Variants in NAALADL2 observed in about 807,000 individuals in gnomAD.
NAALADL2 encodes inactive N-acetylated-alpha-linked acidic dipeptidase-like protein 2.
Under a neutral mutation model 87.2 loss-of-function variants are expected in NAALADL2, and 76 were observed. The ratio of observed to expected loss-of-function variants is 0.87; its 90% CI spans 0.72 to 1.05. NAALADL2 has a LOEUF of 1.05. Among genes scored for constraint, NAALADL2 ranks in the 50% least tolerant of loss-of-function variants. The probability of loss-of-function intolerance (pLI) is 0.00; values close to 1 mark genes in which losing one functional copy is unlikely to be tolerated. For missense variants in NAALADL2, 1,089 were observed against 945.8 expected, an observed-to-expected ratio of 1.15 and a Z score of -1.99; for synonymous variants, 354 against 331.0, an observed-to-expected ratio of 1.07 and a Z score of -0.75.
intron 2 of NAALADL2, among the ~76,000 whole-genome samples, chr3:174,697,375 A>G (rs1310689598): frequency 2.0e-5 from 3 of 152,222 alleles, no homozygotes; most frequent in Non-Finnish European, 2.9e-5. Flanking sequence ...TTCTGTTAAA[A>G]GTAAATTTTT....
At chr3:175,050,191 C>T (rs1397715710) in intron 1 of NAALADL2, among the ~76,000 whole-genome samples, 1 of 152,176 alleles carries the variant, frequency 6.6e-6, no homozygotes, top group Non-Finnish European at 1.5e-5. Context: ...TAGGCTCTGG[C>T]AACCCGTGAT....
chr3:174,725,255 A>G (rs914603867), intron 2 of NAALADL2, among the ~76,000 whole-genome samples: 2 of 152,222 alleles, frequency 1.3e-5, no homozygotes, highest in Admixed American at 6.5e-5. Context: ...TGGCAAAACT[A>G]TAACATAACC....
At chr3:175,068,384 G>A (rs1201022188) in intron 1 of NAALADL2, among the ~76,000 whole-genome samples, 4 of 152,084 alleles carry the variant, frequency 2.6e-5, no homozygotes, top group Non-Finnish European at 4.4e-5. Flanking sequence ...GGTGATATGA[G>A]AGAAGAAATT....
At chr3:174,885,984 G>A (rs1730094504) in intron 1 of NAALADL2, among the ~76,000 whole-genome samples, 1 of 128,524 alleles carries the variant, frequency 7.8e-6, no homozygotes, top group African/African-American at 2.9e-5. Flanking sequence ...CTCAATCTAG[G>A]CTCACTGCAA....
Position 174,949,983 on chromosome 3 carries a change from G to C in NAALADL2, c.43+90533G>C, listed in dbSNP as rs1054171635. Among the ~76,000 whole-genome samples the C allele has an allele frequency of 2.0e-5, 3 of 152,076 alleles. No homozygotes were observed. In the East Asian group the frequency reaches 5.8e-4, roughly 29 times the overall value. On this transcript the variant is annotated intron_variant, in intron 1 of 13. Transcript: ENST00000454872. ...ATTTGCATTGGAACCATTGAGGGCA[G>C]GTCTAAGCAAACTACAGCCAGCAGA...
chr3:175,163,251 G>A (rs925353301), intron 2 of NAALADL2, among the ~76,000 whole-genome samples: 4 of 151,974 alleles, frequency 2.6e-5, no homozygotes, highest in South Asian at 2.1e-4. Flanking sequence ...AGTTTACCCT[G>A]ACACAAAGGC....
At chr3:175,229,143 A>T (rs1560195796) in intron 2 of NAALADL2, among the ~76,000 whole-genome samples, 1 of 151,888 alleles carries the variant, frequency 6.6e-6, no homozygotes, top group Non-Finnish European at 1.5e-5. Flanking sequence ...ACATTATAAC[A>T]TGGATATCTA....
At chr3:174,857,736 C>T (rs945358539), upstream of NAALADL2, among the ~76,000 whole-genome samples, 4 of 151,992 alleles carry the variant, frequency 2.6e-5, no homozygotes, top group Non-Finnish European at 5.9e-5. Flanking sequence ...CTGGAGCAAA[C>T]CACAACCCAG....
intron 13 of NAALADL2, among the ~76,000 whole-genome samples, chr3:175,758,527 C>T: frequency 6.6e-6 from 1 of 151,974 alleles, no homozygotes; most frequent in East Asian, 1.9e-4. Flanking sequence ...TATAAAATAC[C>T]TAAGAAATCA....
At chr3:175,017,715 A>G (rs951437536) in intron 1 of NAALADL2, among the ~76,000 whole-genome samples, 1 of 151,956 alleles carries the variant, frequency 6.6e-6, no homozygotes, top group African/African-American at 2.4e-5. Flanking sequence ...TTGTTTCCCC[A>G]CCTTGGGTAA....
chr3:175,685,449 G>GGTGTGTGT (rs59449046), intron 11 of NAALADL2, among the ~76,000 whole-genome samples: 3,305 of 144,642 alleles, frequency 0.023, 47 homozygotes, highest in African/African-American at 0.03. Context: ...ACCAACAGGA[G>GGTGTGTGT]GTGTGTGTGT....
chr3:175,399,433 TAGAC>T (rs1770271839), intron 5 of NAALADL2, among the ~76,000 whole-genome samples: 1 of 152,138 alleles, frequency 6.6e-6, no homozygotes, highest in Admixed American at 6.6e-5. Context: ...AGCTACTCCA[TAGAC>T]AGATCAGCCC....
chr3:175,090,489 C>T (rs575930342), intron 1 of NAALADL2, among the ~76,000 whole-genome samples: 20 of 151,958 alleles, frequency 1.3e-4, no homozygotes, highest in Middle Eastern at 6.8e-3. Context: ...TTGGCCTACT[C>T]GGGGAACTAG....
At chr3:175,081,173 A>G (rs1451498845) in intron 1 of NAALADL2, 1 of 152,216 alleles carries the variant, frequency 6.6e-6, no homozygotes, top group Non-Finnish European at 1.5e-5. Flanking sequence ...GAGGATATGA[A>G]TGTAGAAAAT....
At chr3:174,899,809 GA>G (rs1732086021) in intron 1 of NAALADL2, among the ~76,000 whole-genome samples, 1 of 151,312 alleles carries the variant, frequency 6.6e-6, no homozygotes, top group Admixed American at 6.6e-5. Flanking sequence ...TACACGGCCA[GA>G]AAAGAACAAT....
chr3:174,608,347 A>AAT (rs1719367525), intron 2 of NAALADL2, among the ~76,000 whole-genome samples: 1 of 152,140 alleles, frequency 6.6e-6, no homozygotes, highest in Non-Finnish European at 1.5e-5. Flanking sequence ...AGAGACACAA[A>AAT]AAACCCTTCA....
chr3:175,276,770 TA>T (rs1171106923), intron 4 of NAALADL2, among the ~76,000 whole-genome samples: 4 of 152,236 alleles, frequency 2.6e-5, no homozygotes, highest in Admixed American at 2.6e-4. Flanking sequence ...CATTCTTATT[TA>T]TTTTTTAAAT....
chr3:175,519,190 GC>G (rs1163982799), intron 9 of NAALADL2, among the ~76,000 whole-genome samples: 3 of 152,096 alleles, frequency 2.0e-5, no homozygotes, highest in African/African-American at 7.2e-5. Flanking sequence ...TTTCTTTATG[GC>G]CAATTTGTAC....
chr3:175,084,519 A>T (rs1718485469), intron 1 of NAALADL2, among the ~76,000 whole-genome samples: 1 of 152,130 alleles, frequency 6.6e-6, no homozygotes, highest in African/African-American at 2.4e-5. Context: ...TAAGTTATTC[A>T]TGCCTTAATT....
Sources: gnomAD v4.1 joint callset for allele counts (sites outside exome capture counted in the v4.1 genomes callset) on GRCh38, gnomAD v4.1.1 for gene constraint, MANE v1.5 for transcripts, NCBI Gene and HGNC (gene_info 2026-07-23, HGNC 2026-07-21) for gene names.